The following EBF2 variants were observed in gnomAD, a reference collection of about 807,000 sequenced individuals.
The protein encoded by EBF2 is EBF transcription factor 2.
EBF2 carries 21 observed loss-of-function variants against 72.8 expected under a neutral mutation model. That is an observed-to-expected ratio of 0.29 (90% CI 0.20 to 0.42). The LOEUF is 0.42. Among genes scored for constraint, EBF2 ranks in the 10% least tolerant of loss-of-function variants. The pLI is 1.00. For missense variants in EBF2, 637 were observed against 731.2 expected (o/e 0.87, Z 1.49); for synonymous variants, 299 against 274.2 (o/e 1.09, Z -0.89).
At chr8:25,859,083 T>A (rs1802159335) in intron 13 of EBF2, among the ~76,000 whole-genome samples, 1 of 152,144 alleles carries the variant, frequency 6.6e-6, no homozygotes. Flanking sequence ...CTAATAGCAG[T>A]GTGGAGTTCC....
chr8:25,913,956 C>G (rs1334668278), intron 6 of EBF2, among the ~76,000 whole-genome samples: 1 of 152,198 alleles, frequency 6.6e-6, no homozygotes, highest in Non-Finnish European at 1.5e-5. Flanking sequence ...TCCCTTAAAA[C>G]ACTCTCATAC....
rs537458321 is a variant in EBF2, at chr8:25,871,344, C to T, written c.1010-8547G>A. ...ACAACCTTGCCTACCACATGGAGTGCGGGGATGCTGTGAAGTTCTGCCAAC... is the reference window on the plus strand; with the variant it reads ...ACAACCTTGCCTACCACATGGAGTGTGGGGATGCTGTGAAGTTCTGCCAAC... On this transcript the variant is annotated intron_variant, in intron 10 of 15. Transcript: ENST00000520164. 7.2e-5 allele frequency among the ~76,000 whole-genome samples: 11 copies of T among 152,220 alleles called. 1 individual carries two copies. In the Middle Eastern group the frequency reaches 0.01, roughly 141 times the overall value.
chr8:25,952,071 T>C (rs1585206166), intron 6 of EBF2, among the ~76,000 whole-genome samples: 1 of 152,196 alleles, frequency 6.6e-6, no homozygotes, highest in Non-Finnish European at 1.5e-5. Context: ...GGCAGGAGGA[T>C]TGCTTGAGGC....
At chr8:25,920,747 C>G (rs145129582) in intron 6 of EBF2, among the ~76,000 whole-genome samples, 13 of 151,946 alleles carry the variant, frequency 8.6e-5, no homozygotes, top group Non-Finnish European at 1.3e-4. Flanking sequence ...CAGGAAATTT[C>G]TCTAATTTTA....
chr8:26,021,550 A>C (rs1805203155), intron 6 of EBF2, among the ~76,000 whole-genome samples: 1 of 152,228 alleles, frequency 6.6e-6, no homozygotes, highest in Non-Finnish European at 1.5e-5. Context: ...TGCCAGATAA[A>C]ATACAAGATG....
chr8:25,844,975 T>A (rs949958025), intron 15 of EBF2, among the ~76,000 whole-genome samples: 1 of 152,224 alleles, frequency 6.6e-6, no homozygotes, highest in Non-Finnish European at 1.5e-5. Context: ...TATTTTTTTA[T>A]TCAACTAAGA....
intron 7 of EBF2, among the ~76,000 whole-genome samples, chr8:25,901,421 CAAA>C (rs10712723): frequency 6.7e-4 from 74 of 111,058 alleles, no homozygotes; most frequent in African/African-American, 1.6e-3. Flanking sequence ...CATCTTGTCT[CAAA>C]AAAAAAAAAA....
intron 6 of EBF2, among the ~76,000 whole-genome samples, chr8:26,029,952 T>G (rs1414521023): frequency 6.6e-6 from 1 of 152,114 alleles, no homozygotes; most frequent in Non-Finnish European, 1.5e-5. Context: ...CCCTCTGTCA[T>G]CCAGGCTGGA....
intron 6 of EBF2, among the ~76,000 whole-genome samples, chr8:26,005,445 A>G (rs1338220265): frequency 5.7e-5 from 2 of 35,004 alleles, no homozygotes; most frequent in Non-Finnish European, 1.1e-4. Context: ...ATTATATTAT[A>G]AAATATATTA....
intron 6 of EBF2, among the ~76,000 whole-genome samples, chr8:25,975,177 C>T (rs750002314): frequency 2.6e-5 from 4 of 152,146 alleles, no homozygotes; most frequent in East Asian, 1.9e-4. Context: ...GGAACTACTG[C>T]GCTGAAAATC....
intron 7 of EBF2, among the ~76,000 whole-genome samples, chr8:25,899,835 G>C (rs1554567327): frequency 6.9e-6 from 1 of 145,896 alleles, no homozygotes. Flanking sequence ...CAACAGGCAC[G>C]AGGCCTCTCA....
intron 10 of EBF2, among the ~76,000 whole-genome samples, chr8:25,879,952 A>AT (rs1326426389): frequency 1.3e-5 from 2 of 152,128 alleles, no homozygotes; most frequent in African/African-American, 4.8e-5. Context: ...TGCAGTTGGG[A>AT]CTTTTTATTA....
At chr8:26,001,571 A>G (rs1014246403) in intron 6 of EBF2, among the ~76,000 whole-genome samples, 6 of 151,704 alleles carry the variant, frequency 4.0e-5, no homozygotes, top group Middle Eastern at 3.4e-3. Context: ...TGTTTTTGAG[A>G]TGGAGTTCTG....
chr8:25,935,834 T>C (rs1031917306), intron 6 of EBF2, among the ~76,000 whole-genome samples: 2 of 152,120 alleles, frequency 1.3e-5, no homozygotes, highest in Admixed American at 6.5e-5. Context: ...TAACTGACAG[T>C]AGGAAATGCA....
At chr8:25,874,853 CTTTT>C (rs1183233269) in intron 10 of EBF2, among the ~76,000 whole-genome samples, 1 of 99,572 alleles carries the variant, frequency 1.0e-5, no homozygotes, top group African/African-American at 4.7e-5. Context: ...GCCTGGCTAA[CTTTT>C]TTTTTTTTTT....
intron 6 of EBF2, among the ~76,000 whole-genome samples, chr8:25,947,414 C>A (rs1585204847): frequency 6.6e-6 from 1 of 152,196 alleles, no homozygotes; most frequent in Admixed American, 6.5e-5. Flanking sequence ...ACAAATTACG[C>A]AGTCTCAGGC....
chr8:25,992,934 A>G (rs1804568529), intron 6 of EBF2, among the ~76,000 whole-genome samples: 1 of 152,084 alleles, frequency 6.6e-6, no homozygotes, highest in Non-Finnish European at 1.5e-5. Context: ...GGAAATTAAA[A>G]GAATATCACA....
At chr8:25,997,351 G>T (rs1804650250) in intron 6 of EBF2, among the ~76,000 whole-genome samples, 1 of 152,116 alleles carries the variant, frequency 6.6e-6, no homozygotes, top group Non-Finnish European at 1.5e-5. Context: ...CAGGCAGACG[G>T]TTTGAGCTCG....
intron 5 of EBF2, among the ~76,000 whole-genome samples, chr8:26,037,301 GAGA>G (rs1805520044): frequency 6.6e-6 from 1 of 152,198 alleles, no homozygotes; most frequent in African/African-American, 2.4e-5. Flanking sequence ...GCCTTGGACA[GAGA>G]GTGTCCCGTC....
Sources: gnomAD v4.1 joint callset for allele counts (sites outside exome capture counted in the v4.1 genomes callset) on GRCh38, gnomAD v4.1.1 for gene constraint, MANE v1.5 for transcripts, NCBI Gene and HGNC (gene_info 2026-07-23, HGNC 2026-07-21) for gene names.